Variants in CPNE4 observed in about 807,000 individuals in gnomAD.
CPNE4 encodes copine-4.
CPNE4 carries 25 observed loss-of-function variants against 67.9 expected under a neutral mutation model. That is an observed-to-expected ratio of 0.37 (90% confidence interval 0.27 to 0.51). The LOEUF (loss-of-function observed/expected upper bound fraction) is 0.51, where lower values mean the gene tolerates loss of function less well. Among genes scored for constraint, CPNE4 ranks in the 20% least tolerant of loss-of-function variants. CPNE4 has a pLI of 0.93. For missense variants in CPNE4, 464 were observed against 690.8 expected, an observed-to-expected ratio of 0.67 and a Z score of 3.68; for synonymous variants, 242 against 244.9, an observed-to-expected ratio of 0.99 and a Z score of 0.11.
chr3:131,657,089 G>A (rs62283181), intron 7 of CPNE4, among the ~76,000 whole-genome samples: 2,757 of 152,170 alleles, frequency 0.018, 40 homozygotes, highest in Non-Finnish European at 0.025. Context: ...TTTCCTATAA[G>A]AATTTACCAT....
chr3:131,554,364 G>A (rs918030583), intron 12 of CPNE4, among the ~76,000 whole-genome samples: 2 of 152,032 alleles, frequency 1.3e-5, no homozygotes, highest in Admixed American at 6.6e-5. Context: ...TGCTGAATTC[G>A]TTTTTTAAAA....
intron 2 of CPNE4, among the ~76,000 whole-genome samples, chr3:131,839,071 T>C (rs1226918586): frequency 6.6e-6 from 1 of 151,976 alleles, no homozygotes; most frequent in Non-Finnish European, 1.5e-5. Context: ...TCTTGTAATA[T>C]GTATCAAAAG....
At chr3:131,810,842 A>T (rs1386496127) in intron 2 of CPNE4, among the ~76,000 whole-genome samples, 4 of 152,128 alleles carry the variant, frequency 2.6e-5, no homozygotes, top group Admixed American at 6.6e-5. Context: ...ACAATAGAAG[A>T]TTATTCGGCC....
intron 1 of CPNE4, among the ~76,000 whole-genome samples, chr3:131,930,474 G>A (rs2071028638): frequency 6.6e-6 from 1 of 151,324 alleles, no homozygotes; most frequent in Admixed American, 6.6e-5. Flanking sequence ...GAAGCCAAAG[G>A]ACTCATTTAT....
intron 1 of CPNE4, among the ~76,000 whole-genome samples, chr3:131,969,780 G>A (rs2072455124): frequency 6.6e-6 from 1 of 152,110 alleles, no homozygotes; most frequent in South Asian, 2.1e-4. Flanking sequence ...TGCTTGGTGA[G>A]CATCATGTCA....
At chr3:131,970,609 A>G (rs868645391) in intron 1 of CPNE4, among the ~76,000 whole-genome samples, 3 of 152,102 alleles carry the variant, frequency 2.0e-5, no homozygotes, top group Non-Finnish European at 4.4e-5. Flanking sequence ...GGGGTTTATA[A>G]TCTTTCCTTA....
At chr3:131,876,770 C>T (rs1215024269) in intron 2 of CPNE4, among the ~76,000 whole-genome samples, 1 of 151,988 alleles carries the variant, frequency 6.6e-6, no homozygotes, top group Non-Finnish European at 1.5e-5. Flanking sequence ...CAAAAGGTGG[C>T]AGGGCCTAAT....
chr3:131,897,756 G>T lies in CPNE4; in HGVS notation c.180+7508C>A, dbSNP rs185102282. On this transcript the variant is annotated intron_variant, in intron 2 of 15. Coordinates refer to ENST00000429747, the MANE Select transcript of CPNE4 (RefSeq NM_130808.3). ...TGAAAAATAAAATTAGCCAGGTGTG[G>T]TGGCATGTGCCTATAGTCCTAGCTA... Among the ~76,000 whole-genome samples the T allele has an allele frequency of 4.7e-3, 708 of 152,150 alleles. 8 individuals carry two copies. The highest frequency in any genetic ancestry group is 0.015 in the African/African-American group (625 of 41,514).
chr3:132,034,642 A>C lies in CPNE4; in HGVS notation c.-77T>G. The C allele has an allele frequency of 1.0e-6, 1 of 985,450 alleles. No homozygotes were observed. The highest frequency in any genetic ancestry group is 1.2e-6 in the Non-Finnish European group (1 of 830,026). The allele number at this position is 985,450 out of a possible 1,614,324, so 61.0% of individuals were successfully genotyped here. A position where few individuals can be genotyped will look rare whatever the true frequency, so the allele number is the denominator to read the frequency against. On this transcript the variant is annotated 5_prime_UTR_variant, in exon 1 of 16. Transcript: ENST00000429747. Reference sequence around the variant, plus strand: ...GTCTGTCCCGCCCCCAGGATGCAAAATCCGGCTTTGAAGTGGAGGTGGTTG... The same window carrying C: ...GTCTGTCCCGCCCCCAGGATGCAAACTCCGGCTTTGAAGTGGAGGTGGTTG...
At chr3:131,814,147 G>C (rs1178063105) in intron 2 of CPNE4, among the ~76,000 whole-genome samples, 2 of 152,186 alleles carry the variant, frequency 1.3e-5, no homozygotes, top group Non-Finnish European at 2.9e-5. Context: ...AGTTGTATCA[G>C]TTAGGACAAC....
At chr3:131,971,266 C>A (rs1002281320) in intron 1 of CPNE4, among the ~76,000 whole-genome samples, 4 of 152,144 alleles carry the variant, frequency 2.6e-5, no homozygotes, top group African/African-American at 9.6e-5. Flanking sequence ...ACATAATATG[C>A]AAGACTTCTT....
chr3:131,671,118 C>A (rs1436063914), intron 6 of CPNE4, among the ~76,000 whole-genome samples: 1 of 152,136 alleles, frequency 6.6e-6, no homozygotes, highest in Non-Finnish European at 1.5e-5. Context: ...ATTATCTATC[C>A]AAATAACATA....
intron 1 of CPNE4, among the ~76,000 whole-genome samples, chr3:132,000,388 T>G (rs549696374): frequency 6.5e-4 from 99 of 152,104 alleles, no homozygotes; most frequent in African/African-American, 2.1e-3. Flanking sequence ...TTAACAAATA[T>G]TTATGTTATC....
At chr3:131,570,400 T>C (rs923863213) in intron 10 of CPNE4, among the ~76,000 whole-genome samples, 2 of 152,066 alleles carry the variant, frequency 1.3e-5, no homozygotes, top group East Asian at 1.9e-4. Flanking sequence ...GTTAGTTACA[T>C]ATGTATACAT....
chr3:131,893,952 T>C (rs1227092178), intron 2 of CPNE4, among the ~76,000 whole-genome samples: 1 of 151,040 alleles, frequency 6.6e-6, no homozygotes, highest in Non-Finnish European at 1.5e-5. Flanking sequence ...AGAAAAGAAA[T>C]AATAAAGCTC....
At chr3:131,989,623 A>T (rs2073131315) in intron 1 of CPNE4, among the ~76,000 whole-genome samples, 1 of 135,514 alleles carries the variant, frequency 7.4e-6, no homozygotes, top group African/African-American at 2.5e-5. Flanking sequence ...GAGAGAAGCA[A>T]CTTTTGTGAA....
chr3:131,784,963 T>C (rs1372767022), intron 2 of CPNE4, among the ~76,000 whole-genome samples: 1 of 152,116 alleles, frequency 6.6e-6, no homozygotes, highest in Admixed American at 6.6e-5. Context: ...TAGAGACAAA[T>C]GGGCTTGTGT....
At chr3:132,029,084 G>A (rs2074182722) in intron 1 of CPNE4, among the ~76,000 whole-genome samples, 1 of 152,082 alleles carries the variant, frequency 6.6e-6, no homozygotes, top group Admixed American at 6.5e-5. Context: ...CTCGGGTTAA[G>A]TGATTCACCC....
At chr3:131,953,879 T>C (rs1051908383) in intron 1 of CPNE4, among the ~76,000 whole-genome samples, 1 of 152,206 alleles carries the variant, frequency 6.6e-6, no homozygotes, top group Non-Finnish European at 1.5e-5. Context: ...TTTCAAAATA[T>C]CTAAAAGATT....
Sources: allele counts gnomAD v4.1 joint callset (sites outside exome capture counted in the v4.1 genomes callset), GRCh38; gene constraint gnomAD v4.1.1; transcripts MANE v1.5; gene names NCBI Gene and HGNC (gene_info 2026-07-23, HGNC 2026-07-21).